The following SORT1 variants were observed in gnomAD, a reference collection of about 807,000 sequenced individuals.
SORT1 encodes sortilin 1, also known as sortilin.
Under a neutral mutation model 101.7 loss-of-function variants are expected in SORT1, and 39 were observed. The observed-to-expected ratio is 0.38, with a 90% CI of 0.30 to 0.50. The LOEUF (loss-of-function observed/expected upper bound fraction) is 0.50. SORT1 is among the 20% of genes least tolerant of loss of function. The pLI is 0.90. For missense variants in SORT1, 878 were observed against 1,040.4 expected (o/e 0.84, Z 2.15); for synonymous variants, 396 against 393.7 (o/e 1.01, Z -0.07).
intron 3 of SORT1, among the ~76,000 whole-genome samples, chr1:109,360,125 T>C (rs1215289851): frequency 3.3e-5 from 5 of 152,174 alleles, no homozygotes; most frequent in Non-Finnish European, 5.9e-5. Flanking sequence ...CTGGGCATCC[T>C]CCCACCTCGG....
chr1:109,324,286 C>T (rs986031233), intron 14 of SORT1, among the ~76,000 whole-genome samples: 21 of 152,086 alleles, frequency 1.4e-4, no homozygotes, highest in African/African-American at 4.8e-4. Context: ...TACAGGCACC[C>T]GCCACCTTAC....
intron 3 of SORT1, among the ~76,000 whole-genome samples, chr1:109,365,023 T>A (rs1002824142): frequency 2.4e-4 from 37 of 152,210 alleles, no homozygotes; most frequent in Non-Finnish European, 5.1e-4. Context: ...ATTTTGCTAT[T>A]CCACATTGCC....
At chr1:109,367,537 A>C in intron 2 of SORT1, 56 bp from the exon 3 acceptor site, 3 of 1,141,752 alleles carry the variant, frequency 2.6e-6, no homozygotes, top group Non-Finnish European at 3.9e-6. Context: ...TCACATGCTG[A>C]TATGTGTTCG....
At chr1:109,376,171 A>G (rs1457426745) in intron 1 of SORT1, among the ~76,000 whole-genome samples, 1 of 152,042 alleles carries the variant, frequency 6.6e-6, no homozygotes, top group African/African-American at 2.4e-5. Context: ...TCTACTAAAA[A>G]TACAAAAAAT....
At chr1:109,314,573 C>T in intron 18 of SORT1, 99 bp downstream of exon 18, 2 of 1,084,758 alleles carry the variant, frequency 1.8e-6, no homozygotes, top group Non-Finnish European at 2.7e-6. Flanking sequence ...AACAGTACTG[C>T]AAGTACCTAG....
intron 8 of SORT1, among the ~76,000 whole-genome samples, chr1:109,344,124 T>C (rs1195599063): frequency 1.3e-5 from 2 of 152,134 alleles, no homozygotes; most frequent in Non-Finnish European, 2.9e-5. Flanking sequence ...ATTAGTAATA[T>C]GTTTAAAAAT....
At chr1:109,389,705 C>G (rs180782761) in intron 1 of SORT1, 2 of 152,394 alleles carry the variant, frequency 1.3e-5, no homozygotes, top group African/African-American at 4.8e-5. Context: ...CTTCTTCAAC[C>G]AGGTCCAGAA....
intron 3 of SORT1, among the ~76,000 whole-genome samples, chr1:109,364,493 A>G (rs1650951342): frequency 6.6e-6 from 1 of 152,242 alleles, no homozygotes; most frequent in South Asian, 2.1e-4. Flanking sequence ...TATTAGTTAC[A>G]GCGAAAAAAA....
intron 19 of SORT1, 86 bp from the exon 20 acceptor site, chr1:109,314,143 TTA>T: frequency 1.2e-6 from 2 of 1,600,832 alleles, no homozygotes; most frequent in Non-Finnish European, 1.7e-6. Flanking sequence ...TTGCCAAATC[TTA>T]TGGTCATTAA....
intron 3 of SORT1, among the ~76,000 whole-genome samples, chr1:109,362,036 T>C (rs1020993196): frequency 6.6e-6 from 1 of 152,200 alleles, no homozygotes; most frequent in Non-Finnish European, 1.5e-5. Context: ...ACAAGCTGTT[T>C]AGTGTTCCTA....
At position 109,310,974 on chromosome 1, in the gene SORT1, G is replaced by C. The variant is rs965968482; in HGVS notation, c.*3069C>G. ...CAGAGGCAAGCATCAGAGCAAGAGA[G>C]AGGAGGTGGGAAGTCCATTCAGAGG... is the stretch of plus-strand genomic sequence containing the variant. On this transcript the variant is annotated 3_prime_UTR_variant, in exon 20 of 20. Transcript: ENST00000256637. 21 of 152,278 alleles carry C rather than the reference G, an allele frequency of 1.4e-4. No individual in the cohort carries two copies. The highest frequency in any genetic ancestry group is 2.9e-5 in the Non-Finnish European group (2 of 68,106). 9.4% of individuals were successfully genotyped at this position (152,278 alleles called of 1,614,324 possible).
intron 1 of SORT1, among the ~76,000 whole-genome samples, chr1:109,376,141 G>C (rs1188355469): frequency 6.6e-6 from 1 of 152,036 alleles, no homozygotes; most frequent in African/African-American, 2.4e-5. Flanking sequence ...AGGAGATCGA[G>C]ACTACGGTGA....
At chr1:109,381,783 G>C (rs1339417645) in intron 1 of SORT1, among the ~76,000 whole-genome samples, 3 of 152,084 alleles carry the variant, frequency 2.0e-5, no homozygotes, top group Non-Finnish European at 4.4e-5. Context: ...TACACTGTTT[G>C]AGCCCAGGAG....
chr1:109,317,362 T>G (rs888615596), intron 16 of SORT1, among the ~76,000 whole-genome samples: 12 of 152,224 alleles, frequency 7.9e-5, no homozygotes, highest in African/African-American at 2.4e-4. Flanking sequence ...TTTCAGTTCC[T>G]CGGTTACACT....
At chr1:109,369,122 A>G (rs1651300160) in intron 2 of SORT1, among the ~76,000 whole-genome samples, 1 of 152,118 alleles carries the variant, frequency 6.6e-6, no homozygotes, top group African/African-American at 2.4e-5. Context: ...GGCGTTCAAG[A>G]CCAGCCTGGC....
At position 109,345,144 on chromosome 1, in the gene SORT1, T is replaced by C. The variant is rs565288116; in HGVS notation, c.963+607A>G. 1.2e-4 allele frequency among the ~76,000 whole-genome samples: 18 copies of C among 152,398 alleles called. No individual in the cohort carries two copies. In the East Asian group the frequency reaches 3.5e-3, roughly 29 times the overall value. Reference sequence around the variant, plus strand: ...GCACTCAATTAATGTTATCTAATTGTATTTTTATTCTTGGATAATGAGCAA... The same window carrying C: ...GCACTCAATTAATGTTATCTAATTGCATTTTTATTCTTGGATAATGAGCAA... On this transcript the variant is annotated intron_variant, in intron 8 of 19. Transcript: ENST00000256637.
chr1:109,372,592 A>C (rs1436518761), intron 1 of SORT1, among the ~76,000 whole-genome samples: 1 of 152,136 alleles, frequency 6.6e-6, no homozygotes, highest in Non-Finnish European at 1.5e-5. Flanking sequence ...TCTACCGGAA[A>C]CAGCTAATAA....
At chr1:109,351,441 T>C (rs181121217) in intron 5 of SORT1, among the ~76,000 whole-genome samples, 2 of 152,302 alleles carry the variant, frequency 1.3e-5, no homozygotes. Context: ...GAGTTTTAAA[T>C]GATGAGCAGT....
At chr1:109,321,752 G>A (rs3853501) in intron 15 of SORT1, among the ~76,000 whole-genome samples, 98,459 of 152,046 alleles carry the variant, frequency 0.65, 33,721 homozygotes, top group East Asian at 0.96. Flanking sequence ...TTTATCTTGT[G>A]TCAGTATCTT....
Sources: gnomAD v4.1 joint callset for allele counts (sites outside exome capture counted in the v4.1 genomes callset) on GRCh38, gnomAD v4.1.1 for gene constraint, MANE v1.5 for transcripts, NCBI Gene and HGNC (gene_info 2026-07-23, HGNC 2026-07-21) for gene names.